PCDHB9: variants seen among roughly 807,000 people sequenced by gnomAD.
PCDHB9 encodes the protein protocadherin beta-9.
For synonymous variants in PCDHB9, 501 were observed against 439.7 expected, an observed-to-expected ratio of 1.14 and a Z score of -1.75; for missense variants, 1,072 against 995.1, an observed-to-expected ratio of 1.08 and a Z score of -1.04.
rs1554282996 is a variant in PCDHB9 at position 141,188,414 on chromosome 5, G to T, written c.1096G>T (p.Ala366Ser). The change falls in exon 1 of 1, where the codon GCT becomes TCT. Residue 366 changes from alanine to serine, a missense_variant. Physicochemically the swap from Ala to Ser is moderately conservative, Grantham distance 99. Transcript: ENST00000316105. ...VAENSPGIVL[A>S]VFKIKDRDSG... ...TGAAAACTCTCCTGGGATAGTATTG[G>T]CTGTTTTTAAGATTAAAGACAGAGA... 6.2e-7 allele frequency: 1 copy of T among 1,614,054 alleles called. No homozygotes were observed. The highest frequency in any genetic ancestry group is 1.1e-5 in the South Asian group (1 of 91,080).
In PCDHB9 at chr5:141,187,261, G is replaced by A. The variant is rs1753757401; in HGVS notation, c.-58G>A. On this transcript the variant is annotated 5_prime_UTR_variant, in exon 1 of 1. Coordinates refer to ENST00000316105, the MANE Select transcript of PCDHB9 (RefSeq NM_019119.5). Reference sequence around the variant, plus strand: ...CTGGTACACATAAGTCTGGGTTTGCGATTGCTATTTGTGCTGGGGCAGTGT... The same window carrying A: ...CTGGTACACATAAGTCTGGGTTTGCAATTGCTATTTGTGCTGGGGCAGTGT... The A allele has an allele frequency of 1.3e-6, 2 of 1,531,832 alleles. No homozygotes were observed. The highest frequency in any genetic ancestry group is 1.7e-4 in the Middle Eastern group (1 of 5,738). The allele number at this position is 1,531,832 out of a possible 1,614,324, so 94.9% of individuals were successfully genotyped here.
In PCDHB9 at chr5:141,187,856, A is replaced by G; in HGVS notation, c.538A>G (p.Ile180Val). The G allele has an allele frequency of 2.5e-6, 4 of 1,614,140 alleles. No individual in the cohort carries two copies. The South Asian group carries it at 4.4e-5, about 18-fold the overall frequency. The change falls in exon 1 of 1, where the codon ATT becomes GTT. Residue 180 changes from isoleucine (I) to valine (V), a missense_variant. Ile to Val is a conservative substitution (Grantham distance 29). Coordinates refer to ENST00000316105, the MANE Select transcript of PCDHB9 (RefSeq NM_019119.5). ...YTISSNSFFH[I>V]KISGSDEGMI... Reference sequence around the variant, plus strand: ...GATCAGCTCCAACTCTTTTTTCCATATTAAAATTAGTGGCAGTGATGAAGG... The same window carrying G: ...GATCAGCTCCAACTCTTTTTTCCATGTTAAAATTAGTGGCAGTGATGAAGG...
chr5:141,187,961 C>A lies in PCDHB9; in HGVS notation c.643C>A (p.Leu215Met), dbSNP rs1381254538. The change falls in exon 1 of 1, where the codon CTG becomes ATG. Residue 215 changes from leucine to methionine, a missense_variant. Coordinates refer to ENST00000316105, the MANE Select transcript of PCDHB9 (RefSeq NM_019119.5). ...QEELSLTLTA[L>M]DGGSPSRSGT... is the part of the protein sequence containing the mutation. ...AGAGCTCAGCTTAACCCTCACAGCG[C>A]TGGATGGTGGGTCTCCATCCAGGTC... is the stretch of plus-strand genomic sequence containing the variant. 3 of 1,614,142 alleles carry A rather than the reference C, an allele frequency of 1.9e-6. No homozygotes were observed. Among genetic ancestry groups the A allele is most frequent in the Non-Finnish European group, 2.5e-6 (3 of 1,180,022 alleles).
In PCDHB9 at chr5:141,189,274, C is replaced by T; in HGVS notation, c.1956C>T (p.Arg652=). The T allele has an allele frequency of 6.2e-7, 1 of 1,608,208 alleles. No homozygotes were observed. The highest frequency in any genetic ancestry group is 8.5e-7 in the Non-Finnish European group (1 of 1,179,720). The stretch of plus-strand genomic sequence containing the variant: ...TCAAGGACAATGGCGAGCCTCCTCG[C>T]TCGGCCACCGCCACGCTGCACGTGC... ...VLVKDNGEPP[R]SATATLHVLL... is the part of the protein sequence containing the mutation. The change falls in exon 1 of 1, where the codon CGC becomes CGT. Residue 652 remains arginine, a synonymous_variant. Transcript: ENST00000316105.
At position 141,189,714 on chromosome 5, in the gene PCDHB9, A is replaced by G. The variant is rs782418996; in HGVS notation, c.*2A>G. 2 of 1,568,686 alleles carry G rather than the reference A, an allele frequency of 1.3e-6. No individual in the cohort carries two copies. Among genetic ancestry groups the G allele is most frequent in the East Asian group, 4.5e-5 (2 of 44,418 alleles). ...AATAGCTTTGGATTTAATTATTGAA[A>G]GGAACCCACTTAATAAAGACATTTA... is the stretch of plus-strand genomic sequence containing the variant. On this transcript the variant is annotated 3_prime_UTR_variant, in exon 1 of 1. Coordinates refer to ENST00000316105, the MANE Select transcript of PCDHB9 (RefSeq NM_019119.5).
rs1295554131 is a variant in PCDHB9, at chr5:141,189,946, A to C, written c.*234A>C. On this transcript the variant is annotated 3_prime_UTR_variant, in exon 1 of 1. Coordinates refer to ENST00000316105, the MANE Select transcript of PCDHB9 (RefSeq NM_019119.5). ...TTTTTCAAAGTTGATATCATTTAAA[A>C]ATTTTTGGTCGTTTTAAATGTCTTT... The C allele has an allele frequency of 7.4e-6, 3 of 407,230 alleles. No individual in the cohort carries two copies. Among genetic ancestry groups the C allele is most frequent in the African/African-American group, 2.2e-5 (1 of 46,206 alleles). 25.2% of individuals were successfully genotyped at this position (407,230 alleles called of 1,614,324 possible).
Position 141,189,749 on chromosome 5 carries a change from T to C in PCDHB9, c.*37T>C. 6 of 1,507,882 alleles carry C rather than the reference T, an allele frequency of 4.0e-6. No individual in the cohort carries two copies. Among genetic ancestry groups the C allele is most frequent in the Non-Finnish European group, 5.4e-6 (6 of 1,121,238 alleles). 93.4% of individuals were successfully genotyped at this position (1,507,882 alleles called of 1,614,324 possible). ...TTAATAAAGACATTTACTTCTTTAA[T>C]ATATTCTTGTTGGCTAACTAAATTG... On this transcript the variant is annotated 3_prime_UTR_variant, in exon 1 of 1. Coordinates refer to ENST00000316105, the MANE Select transcript of PCDHB9 (RefSeq NM_019119.5).
At position 141,187,836 on chromosome 5, in the gene PCDHB9, G is replaced by T; in HGVS notation, c.518G>T (p.Ser173Ile). The change falls in exon 1 of 1, where the codon AGC (serine) becomes ATC (isoleucine). Residue 173 changes from serine to isoleucine, a missense_variant. Coordinates refer to ENST00000316105, the MANE Select transcript of PCDHB9 (RefSeq NM_019119.5). The part of the protein sequence containing the change: ...GHNSIQNYTI[S>I]SNSFFHIKIS... ...AACAGTATCCAAAACTACACGATCA[G>T]CTCCAACTCTTTTTTCCATATTAAA... 6.2e-7 allele frequency: 1 copy of T among 1,614,164 alleles called. No individual in the cohort carries two copies. The highest frequency in any genetic ancestry group is 8.5e-7 in the Non-Finnish European group (1 of 1,180,030).
At position 141,187,767 on chromosome 5, in the gene PCDHB9, C is replaced by G; in HGVS notation, c.449C>G (p.Thr150Arg). 6.2e-7 allele frequency: 1 copy of G among 1,614,100 alleles called. No individual in the cohort carries two copies. Among genetic ancestry groups the G allele is most frequent in the Non-Finnish European group, 8.5e-7 (1 of 1,180,022 alleles). Reference protein sequence around the residue: ...LKISENTAEGTAFRLERAQDP... With the variant: ...LKISENTAEGRAFRLERAQDP... ...ATATCAGAAAATACAGCTGAAGGGA[C>G]AGCATTTAGACTAGAAAGAGCACAG... Residue 150 changes from threonine (T) to arginine (R), a missense_variant, in exon 1 of 1, where the codon ACA becomes AGA. Coordinates refer to ENST00000316105, the MANE Select transcript of PCDHB9 (RefSeq NM_019119.5).
Position 141,188,161 on chromosome 5 carries a change from T to A in PCDHB9, c.843T>A (p.Phe281Leu), listed in dbSNP as rs1554282939. Residue 281 changes from phenylalanine (F) to leucine (L), a missense_variant, in exon 1 of 1, where the codon TTT (phenylalanine) becomes TTA (leucine). Physicochemically the swap from Phe to Leu is conservative, Grantham distance 22 (BLOSUM62 0). Coordinates refer to ENST00000316105, the MANE Select transcript of PCDHB9 (RefSeq NM_019119.5). ...TCAATGCAGAAGTATCCTATTCATT[T>A]TTTGATGCTTCTGAAGATATTTTAA... ...SGVNAEVSYS[F>L]FDASEDILTT... 2 of 1,610,748 alleles carry A rather than the reference T, an allele frequency of 1.2e-6. No individual in the cohort carries two copies. The highest frequency in any genetic ancestry group is 2.2e-5 in the South Asian group (2 of 90,726).
Position 141,187,268 on chromosome 5 carries a change from AT to A in PCDHB9, c.-48del, listed in dbSNP as rs1225944860. 29 of 1,550,952 alleles carry A rather than the reference AT, an allele frequency of 1.9e-5. No individual in the cohort carries two copies. In the African/African-American group the frequency reaches 3.2e-4, roughly 17 times the overall value. On this transcript the variant is annotated 5_prime_UTR_variant, in exon 1 of 1. Transcript: ENST00000316105. ...ACATAAGTCTGGGTTTGCGATTGCT[AT>A]TTGTGCTGGGGCAGTGTGATTGAGA...
In PCDHB9 at chr5:141,190,641, G is replaced by A. The variant is rs1437332019; in HGVS notation, c.*929G>A. On this transcript the variant is annotated 3_prime_UTR_variant, in exon 1 of 1. Coordinates refer to ENST00000316105, the MANE Select transcript of PCDHB9 (RefSeq NM_019119.5). ...GCAAGATATTAAGCGTGTGTAAATG[G>A]GCTTTAGTCTGGAAACCAAAAAAAA... is the stretch of plus-strand genomic sequence containing the variant. 2 of 90,604 alleles carry A rather than the reference G, an allele frequency of 2.2e-5. No individual in the cohort carries two copies. The highest frequency in any genetic ancestry group is 7.1e-5 in the African/African-American group (2 of 28,088). The allele number at this position is 90,604 out of a possible 1,614,324, so 5.6% of individuals were successfully genotyped here.
chr5:141,189,831 G>T lies in PCDHB9; in HGVS notation c.*119G>T, dbSNP rs925814736. 4 of 852,628 alleles carry T rather than the reference G, an allele frequency of 4.7e-6. No homozygotes were observed. Among genetic ancestry groups the T allele is most frequent in the Non-Finnish European group, 7.0e-6 (4 of 568,238 alleles). The allele number at this position is 852,628 out of a possible 1,614,324, so 52.8% of individuals were successfully genotyped here. A position where few individuals can be genotyped will look rare whatever the true frequency, so the allele number is the denominator to read the frequency against. On this transcript the variant is annotated 3_prime_UTR_variant, in exon 1 of 1. Coordinates refer to ENST00000316105, the MANE Select transcript of PCDHB9 (RefSeq NM_019119.5). ...TTGTTTGATTCATCTTCAACTTTGC[G>T]TATTATGCTTAACTTCACAAGTTAA...
At position 141,189,054 on chromosome 5, in the gene PCDHB9, C is replaced by T; in HGVS notation, c.1736C>T (p.Ala579Val). ...SAPCTELVPR[A>V]AEPGYLVTKV... ...CCCTGCACCGAGCTGGTGCCCCGGG[C>T]GGCCGAGCCGGGCTACCTGGTGACC... Residue 579 changes from alanine to valine, a missense_variant, in exon 1 of 1, where the codon GCG becomes GTG. Transcript: ENST00000316105. The T allele has an allele frequency of 1.2e-6, 2 of 1,606,890 alleles. No individual in the cohort carries two copies. Among genetic ancestry groups the T allele is most frequent in the South Asian group, 1.1e-5 (1 of 90,894 alleles).
chr5:141,190,658 C>CAAAAAAAAAAAAAAAAAAAAAAAAAA lies in PCDHB9; in HGVS notation c.*962_*963insAAAAAAAAAAAAAAAAAAAAAAAAAA, dbSNP rs201095971. Reference sequence around the variant, plus strand: ...TGTAAATGGGCTTTAGTCTGGAAACCAAAAAAAAAAAAAAAATTTAGTCAT... The same window carrying CAAAAAAAAAAAAAAAAAAAAAAAAAA: ...TGTAAATGGGCTTTAGTCTGGAAACCAAAAAAAAAAAAAAAAAAAAAAAAAAAAAAAAAAAAAAAAAATTTAGTCAT... On this transcript the variant is annotated 3_prime_UTR_variant, in exon 1 of 1. Coordinates refer to ENST00000316105, the MANE Select transcript of PCDHB9 (RefSeq NM_019119.5). 7.2e-4 allele frequency: 85 copies of CAAAAAAAAAAAAAAAAAAAAAAAAAA among 118,416 alleles called. 4 individuals are homozygous for CAAAAAAAAAAAAAAAAAAAAAAAAAA. Among genetic ancestry groups the CAAAAAAAAAAAAAAAAAAAAAAAAAA allele is most frequent in the Non-Finnish European group, 1.1e-3 (63 of 57,760 alleles). 7.3% of individuals were successfully genotyped at this position (118,416 alleles called of 1,614,324 possible).
In PCDHB9 at chr5:141,187,487, G is replaced by C. The variant is rs375710785; in HGVS notation, c.169G>C (p.Gly57Arg). The change falls in exon 1 of 1, where the codon GGG (glycine) becomes CGG (arginine). Residue 57 changes from glycine (G) to arginine (R), a missense_variant. Physicochemically the swap from Gly to Arg is moderately radical, Grantham distance 125. Transcript: ENST00000316105. ...GGCAAAGGATCTGGGACTAGCAGAG[G>C]GGGAGCTGGCTGCAAGGGGAACCAG... The part of the protein sequence containing the change: ...NLAKDLGLAE[G>R]ELAARGTRVV... 24 of 1,612,678 alleles carry C rather than the reference G, an allele frequency of 1.5e-5. No individual in the cohort carries two copies. The highest frequency in any genetic ancestry group is 2.0e-5 in the Non-Finnish European group (23 of 1,179,116).
In PCDHB9 at chr5:141,187,499, G is replaced by A. The variant is rs369994141; in HGVS notation, c.181G>A (p.Ala61Thr). 164 of 1,611,674 alleles carry A rather than the reference G, an allele frequency of 1.0e-4. No homozygotes were observed. The highest frequency in any genetic ancestry group is 1.4e-4 in the Non-Finnish European group (160 of 1,178,484). The change falls in exon 1 of 1, where the codon GCA (alanine) becomes ACA (threonine). Residue 61 changes from alanine to threonine, a missense_variant. By Grantham distance (58) the Ala-to-Thr change is moderately conservative. Transcript: ENST00000316105. ...GGGACTAGCAGAGGGGGAGCTGGCTGCAAGGGGAACCAGGGTGGTTTCCGA... is the reference window on the plus strand; with the variant it reads ...GGGACTAGCAGAGGGGGAGCTGGCTACAAGGGGAACCAGGGTGGTTTCCGA... ...DLGLAEGELA[A>T]RGTRVVSDDN...
chr5:141,190,732 T>G lies in PCDHB9; in HGVS notation c.*1020T>G, dbSNP rs1753885169. ...TTAATTTGCTCCTTTTAATTCTGTA[T>G]AAACAAATCAGAGGTTCCTGAGGTT... On this transcript the variant is annotated 3_prime_UTR_variant, in exon 1 of 1. Coordinates refer to ENST00000316105, the MANE Select transcript of PCDHB9 (RefSeq NM_019119.5). 6.6e-6 allele frequency: 1 copy of G among 151,672 alleles called. No individual in the cohort carries two copies. Among genetic ancestry groups the G allele is most frequent in the Non-Finnish European group, 1.5e-5 (1 of 67,938 alleles). 9.4% of individuals were successfully genotyped at this position (151,672 alleles called of 1,614,324 possible). A position where few individuals can be genotyped will look rare whatever the true frequency, so the allele number is the denominator to read the frequency against.
chr5:141,187,335 T>A lies in PCDHB9; in HGVS notation c.17T>A (p.Phe6Tyr), dbSNP rs782751924. The A allele has an allele frequency of 7.4e-6, 12 of 1,613,834 alleles. No homozygotes were observed. The highest frequency in any genetic ancestry group is 1.7e-5 in the Admixed American group (1 of 59,946). The change falls in exon 1 of 1, where the codon TTC (phenylalanine) becomes TAC (tyrosine). Residue 6 changes from phenylalanine to tyrosine, a missense_variant. Transcript: ENST00000316105. MKTRG[F>Y]SFPRQRQVLF... The stretch of plus-strand genomic sequence containing the variant: ...GAAGCAGCTATGAAGACCAGGGGGT[T>A]CAGCTTTCCAAGACAAAGGCAAGTC...
Sources: gnomAD v4.1 joint callset for allele counts on GRCh38, gnomAD v4.1.1 for gene constraint, MANE v1.5 for transcripts, NCBI Gene and HGNC (gene_info 2026-07-23, HGNC 2026-07-21) for gene names.